DDR2: variants seen among roughly 807,000 people sequenced by gnomAD.
DDR2 encodes the protein discoidin domain-containing receptor 2.
Under a neutral mutation model 94.9 loss-of-function variants are expected in DDR2, and 27 were observed. The ratio of observed to expected loss-of-function variants is 0.28; its 90% CI spans 0.21 to 0.39. DDR2 has a LOEUF of 0.39. Ranked by LOEUF, DDR2 falls within the 10% of genes least tolerant of loss-of-function variation. The pLI, the probability that DDR2 is intolerant of heterozygous loss-of-function variation, is 1.00. For missense variants in DDR2, 783 were observed against 1,076.0 expected (o/e 0.73, Z 3.81); for synonymous variants, 382 against 377.2 (o/e 1.01, Z -0.15).
At chr1:162,656,275 C>T (rs1354867125) in intron 2 of DDR2, among the ~76,000 whole-genome samples, 1 of 152,286 alleles carries the variant, frequency 6.6e-6, no homozygotes, top group Non-Finnish European at 1.5e-5. Flanking sequence ...TTAGGCTTTA[C>T]TGTATTCTGC....
At chr1:162,653,370 A>G (rs1657797882) in intron 1 of DDR2, among the ~76,000 whole-genome samples, 1 of 152,098 alleles carries the variant, frequency 6.6e-6, no homozygotes, top group Admixed American at 6.5e-5. Flanking sequence ...TGAGGTCAGG[A>G]GTTTGAGACC....
At chr1:162,680,673 C>A (rs1176189862) in intron 2 of DDR2, among the ~76,000 whole-genome samples, 1 of 152,110 alleles carries the variant, frequency 6.6e-6, no homozygotes, top group Admixed American at 6.6e-5. Flanking sequence ...AGTTCAATGA[C>A]CTTAGTCATC....
intron 2 of DDR2, among the ~76,000 whole-genome samples, chr1:162,667,742 A>T (rs1251989947): frequency 6.6e-6 from 1 of 152,210 alleles, no homozygotes; most frequent in Non-Finnish European, 1.5e-5. Flanking sequence ...CAGGAGAATG[A>T]CAAAGGACAC....
intron 16 of DDR2, among the ~76,000 whole-genome samples, 199 bp from the exon 17 acceptor site, chr1:162,778,381 T>TC (rs1322514386): frequency 6.6e-6 from 1 of 152,214 alleles, no homozygotes; most frequent in East Asian, 1.9e-4. Context: ...TTGGATCTCA[T>TC]CCCCAGAGAA....
intron 3 of DDR2, among the ~76,000 whole-genome samples, chr1:162,733,091 GC>G (rs1662137196): frequency 1.3e-5 from 2 of 152,356 alleles, no homozygotes; most frequent in East Asian, 3.9e-4. Flanking sequence ...AGACAACTCA[GC>G]AGGAAAAACC....
chr1:162,679,171 T>C (rs1659277121), intron 2 of DDR2, among the ~76,000 whole-genome samples: 1 of 152,114 alleles, frequency 6.6e-6, no homozygotes, highest in Non-Finnish European at 1.5e-5. Flanking sequence ...AATAGGTTTT[T>C]TTTTTCTGAT....
intron 17 of DDR2, 151 bp from the exon 18 acceptor site, chr1:162,779,961 A>G (rs1483205217): frequency 5.7e-5 from 66 of 1,162,936 alleles, no homozygotes; most frequent in Non-Finnish European, 7.2e-5. Context: ...CGAGTAGGAA[A>G]AATGGACACT....
At chr1:162,749,738 T>A (rs1663082553) in intron 3 of DDR2, among the ~76,000 whole-genome samples, 1 of 152,198 alleles carries the variant, frequency 6.6e-6, no homozygotes, top group Admixed American at 6.5e-5. Flanking sequence ...ATATCCCTGA[T>A]GAACATTCAT....
Position 162,754,752 on chromosome 1 carries a change from G to A in DDR2, c.314G>A (p.Arg105His), listed in dbSNP as rs1041487062. Residue 105 changes from arginine to histidine, a missense_variant, in exon 5 of 18, where the codon CGC (arginine) becomes CAC (histidine). Coordinates refer to ENST00000367921, the MANE Select transcript of DDR2 (RefSeq NM_006182.4). ...HFITLVGTQG[R>H]HAGGHGIEFA... ...ATCACTCTGGTGGGGACCCAGGGGC[G>A]CCATGCAGGAGGTCATGGCATCGAG... is the stretch of plus-strand genomic sequence containing the variant. The A allele has an allele frequency of 6.8e-6, 11 of 1,614,070 alleles. No individual in the cohort carries two copies. The highest frequency in any genetic ancestry group is 9.3e-6 in the Non-Finnish European group (11 of 1,179,996).
chr1:162,691,855 A>G (rs7554305), intron 2 of DDR2, among the ~76,000 whole-genome samples: 106,136 of 152,134 alleles, frequency 0.7, 38,210 homozygotes, highest in Middle Eastern at 0.81. Context: ...ATGCAGTCTG[A>G]TAAAGACAGA....
At position 162,773,561 on chromosome 1, in the gene DDR2, G is replaced by A; in HGVS notation, c.1821G>A (p.Val607=). Residue 607 remains valine (V), a synonymous_variant, in exon 14 of 18, where the codon GTG becomes GTA. Coordinates refer to ENST00000367921, the MANE Select transcript of DDR2 (RefSeq NM_006182.4). ...VSANQPVLVA[V]KMLRADANKN... Reference sequence around the variant, plus strand: ...CCAACCAGCCTGTCCTGGTGGCTGTGAAAATGCTCCGAGCAGATGCCAACA... The same window carrying A: ...CCAACCAGCCTGTCCTGGTGGCTGTAAAAATGCTCCGAGCAGATGCCAACA... 1 of 1,614,066 alleles carries A rather than the reference G, an allele frequency of 6.2e-7. No homozygotes were observed. The highest frequency in any genetic ancestry group is 8.5e-7 in the Non-Finnish European group (1 of 1,179,942).
chr1:162,768,928 G>A (rs1311410437), intron 11 of DDR2, among the ~76,000 whole-genome samples: 1 of 152,188 alleles, frequency 6.6e-6, no homozygotes, highest in Non-Finnish European at 1.5e-5. Flanking sequence ...GAAAACACTA[G>A]TGTTTAATGA....
At chr1:162,753,248 C>T in intron 4 of DDR2, 51 bp downstream of exon 4, 2 of 1,545,894 alleles carry the variant, frequency 1.3e-6, no homozygotes, top group Non-Finnish European at 1.8e-6. Context: ...GGGCAGATTT[C>T]CTGGGCACAG....
intron 9 of DDR2, among the ~76,000 whole-genome samples, chr1:162,763,336 CTTTTTTTTTTTTTTTTTTTTTT>C (rs56323242): frequency 7.4e-4 from 42 of 56,500 alleles, no homozygotes; most frequent in Admixed American, 1.2e-3. Flanking sequence ...CCACGCCCGG[CTTTTTTTTTTTTTTTTTTTTTT>C]TTTTTTTTTT....
rs185191453 is a variant in DDR2, at chr1:162,727,655, G to A, written c.82+8510G>A. ...TTTGTTGATTGCCTATATAAGCCAA[G>A]CACTGTAATAGGTGCTGGTCATGAC... is the stretch of plus-strand genomic sequence containing the variant. On this transcript the variant is annotated intron_variant, in intron 3 of 17. Transcript: ENST00000367921. Among the ~76,000 whole-genome samples, 238 of 148,708 alleles carry A rather than the reference G, an allele frequency of 1.6e-3. 2 individuals carry two copies. The highest frequency in any genetic ancestry group is 6.3e-3 in the Admixed American group (94 of 14,894).
chr1:162,680,630 C>G (rs1258802745), intron 2 of DDR2, among the ~76,000 whole-genome samples: 1 of 152,076 alleles, frequency 6.6e-6, no homozygotes, highest in Non-Finnish European at 1.5e-5. Context: ...AGTTCAATGG[C>G]CTTAGTCATC....
At chr1:162,666,804 C>A (rs1658595222) in intron 2 of DDR2, among the ~76,000 whole-genome samples, 1 of 151,766 alleles carries the variant, frequency 6.6e-6, no homozygotes, top group Non-Finnish European at 1.5e-5. Context: ...TCCCAGCCAA[C>A]TTTTCTAATT....
Position 162,770,545 on chromosome 1 carries a change from G to A in DDR2, c.1504+33G>A, listed in dbSNP as rs753775516. ...TGATGTGGTGGGCAGGGTGTCAAGG[G>A]AGAAACCTCAGCAAGCATCAGGTAG... On this transcript the variant is annotated intron_variant, in intron 12 of 17. Transcript: ENST00000367921. 7 of 1,602,814 alleles carry A rather than the reference G, an allele frequency of 4.4e-6. No homozygotes were observed. The African/African-American group carries it at 8.0e-5, about 18-fold the overall frequency.
At chr1:162,640,996 TC>T (rs1279075096) in intron 1 of DDR2, among the ~76,000 whole-genome samples, 1 of 152,020 alleles carries the variant, frequency 6.6e-6, no homozygotes, top group Non-Finnish European at 1.5e-5. Context: ...GCTCAAGCAA[TC>T]CTCCCACCTT....
Sources: allele counts gnomAD v4.1 joint callset (sites outside exome capture counted in the v4.1 genomes callset), GRCh38; gene constraint gnomAD v4.1.1; transcripts MANE v1.5; gene names NCBI Gene and HGNC (gene_info 2026-07-23, HGNC 2026-07-21).